Variants in FXR1 observed in about 807,000 individuals in gnomAD.
FXR1 encodes the protein FMR1 autosomal homolog 1.
In FXR1, 15 loss-of-function variants were observed where a neutral mutation model predicts 84.0. The observed-to-expected ratio is 0.18, with a 90% CI of 0.12 to 0.27. The LOEUF (loss-of-function observed/expected upper bound fraction) is 0.27. Among genes scored for constraint, FXR1 ranks in the 10% least tolerant of loss-of-function variants. FXR1 has a pLI of 1.00. For synonymous variants in FXR1, 245 were observed against 250.7 expected (o/e 0.98, Z 0.21); for missense variants, 480 against 774.4 (o/e 0.62, Z 4.51).
chr3:180,977,759 TTTGTG>T lies in FXR1; in HGVS notation c.*1470_*1474del. ...CATATGAAAAGTGTTGTGTGCATAG[TTTGTG>T]TTAATTTTTTATGTGCATAAAAATG... On this transcript the variant is annotated 3_prime_UTR_variant, in exon 17 of 17. Coordinates refer to ENST00000357559, the MANE Select transcript of FXR1 (RefSeq NM_005087.4). 6.6e-6 allele frequency: 1 copy of T among 152,214 alleles called. No homozygotes were observed. The highest frequency in any genetic ancestry group is 2.1e-4 in the South Asian group (1 of 4,826). The allele number at this position is 152,214 out of a possible 1,614,324, so 9.4% of individuals were successfully genotyped here.
intron 2 of FXR1, 98 bp downstream of exon 2, chr3:180,933,484 G>A: frequency 1.4e-6 from 1 of 724,824 alleles, no homozygotes; most frequent in South Asian, 1.5e-5. Context: ...AAATGATTTT[G>A]CTTTTAGGGA....
At chr3:180,965,097 A>C (rs7611091) in intron 13 of FXR1, among the ~76,000 whole-genome samples, 1 of 151,722 alleles carries the variant, frequency 6.6e-6, no homozygotes, top group Non-Finnish European at 1.5e-5. Context: ...GCTCACCGCA[A>C]CCTCTCCCTC....
chr3:180,950,496 C>T (rs938255425), intron 7 of FXR1, among the ~76,000 whole-genome samples: 7 of 151,936 alleles, frequency 4.6e-5, no homozygotes, highest in African/African-American at 4.8e-5. Context: ...TTTCTTTATA[C>T]TGTGGTAAAG....
chr3:180,959,073 T>C (rs979682531), intron 10 of FXR1, among the ~76,000 whole-genome samples: 5 of 152,152 alleles, frequency 3.3e-5, no homozygotes, highest in Admixed American at 2.0e-4. Flanking sequence ...CCCAAAGTGC[T>C]GGGATTACGG....
In FXR1 at chr3:180,969,238, C is replaced by T. The variant is rs138761810; in HGVS notation, c.1403-920C>T. ...TTTTTATATTTTAGTACACTTTGTACAGTTACCAAGGTGTTTAAAATTACA... is the reference window on the plus strand; with the variant it reads ...TTTTTATATTTTAGTACACTTTGTATAGTTACCAAGGTGTTTAAAATTACA... On this transcript the variant is annotated intron_variant, in intron 14 of 16. Coordinates refer to ENST00000357559, the MANE Select transcript of FXR1 (RefSeq NM_005087.4). 2.7e-3 allele frequency among the ~76,000 whole-genome samples: 408 copies of T among 152,214 alleles called. 4 individuals are homozygous for T. The highest frequency in any genetic ancestry group is 4.1e-3 in the Admixed American group (63 of 15,286).
intron 10 of FXR1, 99 bp from the exon 11 acceptor site, chr3:180,961,364 AAAAGG>A: frequency 9.0e-6 from 3 of 334,206 alleles, no homozygotes; most frequent in Non-Finnish European, 1.0e-5. Flanking sequence ...AAAAAAAAAA[AAAAGG>A]TGTGTGTGTG....
At chr3:180,939,840 T>G (rs1720934240) in intron 3 of FXR1, among the ~76,000 whole-genome samples, 2 of 152,226 alleles carry the variant, frequency 1.3e-5, no homozygotes, top group South Asian at 4.1e-4. Context: ...GACTTTGCCC[T>G]TAGTAATAAA....
At chr3:180,933,595 A>T (rs772913197) in intron 2 of FXR1, among the ~76,000 whole-genome samples, 2 of 152,134 alleles carry the variant, frequency 1.3e-5, no homozygotes, top group Non-Finnish European at 2.9e-5. Flanking sequence ...TCTTCGCCAG[A>T]ACATGTATGG....
In FXR1 at chr3:180,957,831, G is replaced by GA; in HGVS notation, c.899dup (p.Asn300LysfsTer20). 1.3e-6 allele frequency: 2 copies of GA among 1,537,328 alleles called. No homozygotes were observed. The highest frequency in any genetic ancestry group is 1.8e-6 in the Non-Finnish European group (2 of 1,119,418). On this transcript the variant is annotated frameshift_variant, in exon 10 of 17. Transcript: ENST00000357559. LOFTEE classifies it high-confidence loss of function. The stretch of plus-strand genomic sequence containing the variant: ...TCTCTTACTAAAGGAAAAGTAATTG[G>GA]AAAAAATGGCAAAGTTATTCAAGAA...
chr3:180,953,687 A>G (rs1722458072), intron 8 of FXR1, 75 bp from the exon 9 acceptor site: 2 of 727,614 alleles, frequency 2.7e-6, no homozygotes, highest in Non-Finnish European at 4.8e-6. Context: ...CTCTTTTCTC[A>G]TCTTCTTGTT....
chr3:180,969,103 A>G (rs1713210384), intron 14 of FXR1, among the ~76,000 whole-genome samples: 1 of 151,754 alleles, frequency 6.6e-6, no homozygotes, highest in African/African-American at 2.4e-5. Context: ...AAACTGGAAC[A>G]AATCAGGGCA....
At chr3:180,927,463 A>G (rs1719361634) in intron 1 of FXR1, among the ~76,000 whole-genome samples, 1 of 152,072 alleles carries the variant, frequency 6.6e-6, no homozygotes. Context: ...CTATATTTGT[A>G]ATATTAATCT....
chr3:180,932,514 G>T (rs937379514), intron 1 of FXR1, among the ~76,000 whole-genome samples: 2 of 152,152 alleles, frequency 1.3e-5, no homozygotes, highest in East Asian at 3.8e-4. Flanking sequence ...CAAGTCCTTT[G>T]CTCTTTCTTG....
intron 14 of FXR1, among the ~76,000 whole-genome samples, chr3:180,968,953 TATC>T (rs1169096280): frequency 2.6e-5 from 4 of 152,190 alleles, no homozygotes; most frequent in Admixed American, 2.6e-4. Context: ...AACTTTAACA[TATC>T]ATTATGGTAT....
intron 9 of FXR1, chr3:180,957,489 C>T (rs1163901358): frequency 5.6e-6 from 1 of 179,286 alleles, no homozygotes; most frequent in South Asian, 1.9e-4. Context: ...TTTATGTATA[C>T]ATCCAAGGTT....
chr3:180,957,426 T>C lies in FXR1; in HGVS notation c.881-393T>C, dbSNP rs1805615. The C allele has an allele frequency of 3.5e-3, 540 of 154,214 alleles. 11 individuals are homozygous for C. Among genetic ancestry groups the C allele is most frequent in the East Asian group, 0.026 (139 of 5,258 alleles). The allele number at this position is 154,214 out of a possible 1,614,324, so 9.6% of individuals were successfully genotyped here. On this transcript the variant is annotated intron_variant, in intron 9 of 16. Transcript: ENST00000357559. ...GCAAGATTGATGAATTTGCTACTTA[T>C]GTGAATTAATAAAGTGCTAATGATT...
At chr3:180,950,337 T>C (rs1413564110) in intron 7 of FXR1, among the ~76,000 whole-genome samples, 4 of 152,244 alleles carry the variant, frequency 2.6e-5, no homozygotes, top group Non-Finnish European at 5.9e-5. Flanking sequence ...AAAAGTGTTT[T>C]AGACTAATAA....
intron 1 of FXR1, among the ~76,000 whole-genome samples, chr3:180,926,506 A>ATATATTTTTT (rs72192827): frequency 2.0e-4 from 25 of 124,356 alleles, no homozygotes; most frequent in Admixed American, 5.0e-4. Flanking sequence ...ATATATATAT[A>ATATATTTTTT]TTTTTTTTTC....
chr3:180,915,476 T>TA (rs1717778050), intron 1 of FXR1: 29 of 1,441,224 alleles, frequency 2.0e-5, no homozygotes, highest in Non-Finnish European at 2.4e-5. Context: ...GTAGAAGCAA[T>TA]TTAATTTTAA....
Sources: allele counts gnomAD v4.1 joint callset (sites outside exome capture counted in the v4.1 genomes callset), GRCh38; gene constraint gnomAD v4.1.1; transcripts MANE v1.5; gene names NCBI Gene and HGNC (gene_info 2026-07-23, HGNC 2026-07-21).